Variants in PFN2 observed in about 807,000 individuals in gnomAD.
PFN2 encodes the protein profilin-2.
In PFN2, 8 loss-of-function variants were observed where a neutral mutation model predicts 15.3. The ratio of observed to expected loss-of-function variants is 0.52; its 90% CI spans 0.31 to 0.95. The LOEUF (loss-of-function observed/expected upper bound fraction) is 0.95. Ranked by LOEUF, PFN2 falls within the 40% of genes least tolerant of loss-of-function variation. The probability of loss-of-function intolerance (pLI) is 0.05; values close to 1 mark genes in which losing one functional copy is unlikely to be tolerated. For missense variants in PFN2, 111 were observed against 182.3 expected (o/e 0.61, Z 2.25); for synonymous variants, 79 against 67.9 (o/e 1.16, Z -0.81).
At chr3:149,967,046 T>C (rs1452105967) in intron 2 of PFN2, among the ~76,000 whole-genome samples, 1 of 152,222 alleles carries the variant, frequency 6.6e-6, no homozygotes, top group Non-Finnish European at 1.5e-5. Flanking sequence ...ATGTATCTAT[T>C]ATTTCCAGAG....
chr3:149,968,852 T>C, intron 1 of PFN2: 1 of 303,380 alleles, frequency 3.3e-6, no homozygotes, highest in Non-Finnish European at 6.1e-6. Context: ...AAGTGCAAAC[T>C]TAAAGAGTTA....
At position 149,965,337 on chromosome 3, in the gene PFN2, T is replaced by C; in HGVS notation, c.*1152A>G. The stretch of plus-strand genomic sequence containing the variant: ...AAACTGGACACACTCCAGATGGTTA[T>C]GTTGGGATACCTAATGTCCATAATG... On this transcript the variant is annotated 3_prime_UTR_variant, in exon 3 of 3. Coordinates refer to ENST00000239940, the MANE Select transcript of PFN2 (RefSeq NM_053024.4). The C allele has an allele frequency of 1.3e-6, 2 of 1,523,140 alleles. No individual in the cohort carries two copies. The highest frequency in any genetic ancestry group is 2.4e-5 in the East Asian group (1 of 40,846). 94.4% of individuals were successfully genotyped at this position (1,523,140 alleles called of 1,614,324 possible).
In PFN2 at chr3:149,968,838, G is replaced by A. The variant is rs182223431; in HGVS notation, c.133-288C>T. ...TGTAAAGAGTTGACAGTTGACACTA[G>A]ACAAAGTGCAAACTTAAAGAGTTAT... is the stretch of plus-strand genomic sequence containing the variant. On this transcript the variant is annotated intron_variant, in intron 1 of 2. Coordinates refer to ENST00000239940, the MANE Select transcript of PFN2 (RefSeq NM_053024.4). 9.7e-4 allele frequency: 336 copies of A among 344,622 alleles called. 2 individuals carry two copies. The highest frequency in any genetic ancestry group is 3.0e-4 in the Non-Finnish European group (57 of 189,276). 21.3% of individuals were successfully genotyped at this position (344,622 alleles called of 1,614,324 possible). A position where few individuals can be genotyped will look rare whatever the true frequency, so the allele number is the denominator to read the frequency against.
Position 149,965,572 on chromosome 3 carries a change from A to G in PFN2, c.*917T>C. 8.0e-7 allele frequency: 1 copy of G among 1,243,412 alleles called. No individual in the cohort carries two copies. Among genetic ancestry groups the G allele is most frequent in the South Asian group, 3.3e-5 (1 of 30,584 alleles). 77.0% of individuals were successfully genotyped at this position (1,243,412 alleles called of 1,614,324 possible). ...TATGAATAAAGGTTTGTCTCTGCTC[A>G]AGTGCAACAACAATACTAAAAGCAA... On this transcript the variant is annotated 3_prime_UTR_variant, in exon 3 of 3. Transcript: ENST00000239940.
chr3:149,969,851 G>A (rs963132799), intron 1 of PFN2, among the ~76,000 whole-genome samples: 1 of 152,094 alleles, frequency 6.6e-6, no homozygotes. Flanking sequence ...GCATAAAACT[G>A]CATTAGTTCC....
chr3:149,966,811 A>G (rs1722706360), intron 2 of PFN2, among the ~76,000 whole-genome samples: 1 of 152,190 alleles, frequency 6.6e-6, no homozygotes, highest in African/African-American at 2.4e-5. Flanking sequence ...CAATGCAAGC[A>G]AAAGTTCTAT....
At chr3:149,967,317 G>T (rs1459787953) in intron 2 of PFN2, among the ~76,000 whole-genome samples, 4 of 152,254 alleles carry the variant, frequency 2.6e-5, no homozygotes, top group East Asian at 1.9e-4. Context: ...AAATATTCTG[G>T]TTTTTTGTCT....
chr3:149,966,241 C>A lies in PFN2; in HGVS notation c.*248G>T, dbSNP rs1481997002. The A allele has an allele frequency of 1.8e-5, 29 of 1,613,636 alleles. No homozygotes were observed. In the East Asian group the frequency reaches 6.5e-4, roughly 36 times the overall value. On this transcript the variant is annotated 3_prime_UTR_variant, in exon 3 of 3. Coordinates refer to ENST00000239940, the MANE Select transcript of PFN2 (RefSeq NM_053024.4). Reference sequence around the variant, plus strand: ...TTAAGTGTGCCTCCGTGGACACCTTCCTTTCCCATGACTATAACCAATGCT... The same window carrying A: ...TTAAGTGTGCCTCCGTGGACACCTTACTTTCCCATGACTATAACCAATGCT...
chr3:149,967,479 T>C lies in PFN2; in HGVS notation c.325+879A>G, dbSNP rs185599746. On this transcript the variant is annotated intron_variant, in intron 2 of 2. Transcript: ENST00000239940. ...TTTTAGGATAATCACAGGGAGCTGGTAGAGCCATAGCATTAATTATAACTC... is the reference window on the plus strand; with the variant it reads ...TTTTAGGATAATCACAGGGAGCTGGCAGAGCCATAGCATTAATTATAACTC... Among the ~76,000 whole-genome samples, 6 of 152,334 alleles carry C rather than the reference T, an allele frequency of 3.9e-5. No homozygotes were observed. The East Asian group carries it at 7.7e-4, about 20-fold the overall frequency.
Position 149,970,773 on chromosome 3 carries a change from G to A in PFN2, c.84C>T (p.Ala28=), listed in dbSNP as rs1722843183. 1 of 1,517,904 alleles carries A rather than the reference G, an allele frequency of 6.6e-7. No homozygotes were observed. The highest frequency in any genetic ancestry group is 8.9e-7 in the Non-Finnish European group (1 of 1,129,722). The allele number at this position is 1,517,904 out of a possible 1,614,324, so 94.0% of individuals were successfully genotyped here. Residue 28 remains alanine (A), a synonymous_variant, in exon 1 of 3, where the codon GCC becomes GCT. Transcript: ENST00000239940. ...CGGCCGTGGCTGCCCAGACGTATTT[G>A]GCGTCGCAGTAGCCGACAATGGCGG... ...QEAAIVGYCD[A]KYVWAATAGG...
At position 149,965,882 on chromosome 3, in the gene PFN2, TCAA is replaced by T; in HGVS notation, c.*604_*606del. 8.1e-7 allele frequency: 1 copy of T among 1,236,512 alleles called. No homozygotes were observed. Among genetic ancestry groups the T allele is most frequent in the African/African-American group, 1.5e-5 (1 of 64,876 alleles). The allele number at this position is 1,236,512 out of a possible 1,614,324, so 76.6% of individuals were successfully genotyped here. On this transcript the variant is annotated 3_prime_UTR_variant, in exon 3 of 3. Transcript: ENST00000239940. Reference sequence around the variant, plus strand: ...GCTTAATATTAACTTATTTTAGTAATCAATATCCCATTAATTGCTAAGACAAAG... The same window carrying T: ...GCTTAATATTAACTTATTTTAGTAATTATCCCATTAATTGCTAAGACAAAG...
At chr3:149,968,031 A>C (rs755497378) in intron 2 of PFN2, 12 of 218,680 alleles carry the variant, frequency 5.5e-5, no homozygotes, top group Non-Finnish European at 1.1e-4. Flanking sequence ...AAAATAACCA[A>C]GTGATTCGAA....
In PFN2 at chr3:149,966,523, G is replaced by A. The variant is rs147761948; in HGVS notation, c.389C>T (p.Ser130Leu). 4 of 1,612,870 alleles carry A rather than the reference G, an allele frequency of 2.5e-6. No individual in the cohort carries two copies. Among genetic ancestry groups the A allele is most frequent in the African/African-American group, 2.7e-5 (2 of 74,822 alleles). Reference sequence around the variant, plus strand: ...AGAGTCTCTCAAGTATTTTGCCATTGAGTATGCCTTCTTATTCAATCCGCC... The same window carrying A: ...AGAGTCTCTCAAGTATTTTGCCATTAAGTATGCCTTCTTATTCAATCCGCC... The part of the protein sequence containing the change: ...HGGGLNKKAY[S>L]MAKYLRDSGF The change falls in exon 3 of 3, where the codon TCA becomes TTA. Residue 130 changes from serine to leucine, a missense_variant. Transcript: ENST00000239940.
Position 149,968,775 on chromosome 3 carries a change from TGTC to T in PFN2, c.133-228_133-226del, listed in dbSNP as rs560098163. 100 of 504,046 alleles carry T rather than the reference TGTC, an allele frequency of 2.0e-4. 3 individuals are homozygous for T. In the South Asian group the frequency reaches 2.6e-3, roughly 13 times the overall value. The allele number at this position is 504,046 out of a possible 1,614,324, so 31.2% of individuals were successfully genotyped here. A position where few individuals can be genotyped will look rare whatever the true frequency, so the allele number is the denominator to read the frequency against. ...GAGTTGATTTGACTTCAGTTAATGA[TGTC>T]GTCTCTTAACCAAGACCAGTCTATA... On this transcript the variant is annotated intron_variant, in intron 1 of 2. Coordinates refer to ENST00000239940, the MANE Select transcript of PFN2 (RefSeq NM_053024.4).
Position 149,965,269 on chromosome 3 carries a change from A to G in PFN2, c.*1220T>C. 2 of 1,535,476 alleles carry G rather than the reference A, an allele frequency of 1.3e-6. No individual in the cohort carries two copies. The highest frequency in any genetic ancestry group is 8.7e-7 in the Non-Finnish European group (1 of 1,146,494). On this transcript the variant is annotated 3_prime_UTR_variant, in exon 3 of 3. Coordinates refer to ENST00000239940, the MANE Select transcript of PFN2 (RefSeq NM_053024.4). ...CAAGTCCACAATAATGCAACTTCAT[A>G]TAAAAACTCAAGCTGCAAATAAAAA...
chr3:149,964,959 G>A lies in PFN2; in HGVS notation c.*1530C>T. Reference sequence around the variant, plus strand: ...TGTAAACAAGGTGTTTAATAGTTATGGCATTTTTTTAAATGCATATTAAAT... The same window carrying A: ...TGTAAACAAGGTGTTTAATAGTTATAGCATTTTTTTAAATGCATATTAAAT... On this transcript the variant is annotated 3_prime_UTR_variant, in exon 3 of 3. Coordinates refer to ENST00000239940, the MANE Select transcript of PFN2 (RefSeq NM_053024.4). 2.5e-6 allele frequency: 1 copy of A among 398,950 alleles called. No homozygotes were observed. The highest frequency in any genetic ancestry group is 4.4e-6 in the Non-Finnish European group (1 of 224,850). The allele number at this position is 398,950 out of a possible 1,614,324, so 24.7% of individuals were successfully genotyped here. A position where few individuals can be genotyped will look rare whatever the true frequency, so the allele number is the denominator to read the frequency against.
chr3:149,967,024 C>G (rs1425355375), intron 2 of PFN2, among the ~76,000 whole-genome samples: 1 of 152,058 alleles, frequency 6.6e-6, no homozygotes, highest in Admixed American at 6.6e-5. Flanking sequence ...TAAGTTTTAC[C>G]AGTGAGGCTA....
chr3:149,965,664 G>A lies in PFN2; in HGVS notation c.*825C>T, dbSNP rs777483543. The A allele has an allele frequency of 6.4e-5, 60 of 942,080 alleles. No homozygotes were observed. Among genetic ancestry groups the A allele is most frequent in the Non-Finnish European group, 7.2e-5 (58 of 807,866 alleles). 58.4% of individuals were successfully genotyped at this position (942,080 alleles called of 1,614,324 possible). On this transcript the variant is annotated 3_prime_UTR_variant, in exon 3 of 3. Coordinates refer to ENST00000239940, the MANE Select transcript of PFN2 (RefSeq NM_053024.4). ...AATTGGTTAAAAAAAAACAGGCACTGCATAAAAAAAGATGGAAGCAAACCA... is the reference window on the plus strand; with the variant it reads ...AATTGGTTAAAAAAAAACAGGCACTACATAAAAAAAGATGGAAGCAAACCA...
intron 1 of PFN2, among the ~76,000 whole-genome samples, chr3:149,969,261 CAG>C: frequency 6.6e-6 from 1 of 152,062 alleles, no homozygotes; most frequent in African/African-American, 2.4e-5. Flanking sequence ...AATAGTAAAA[CAG>C]AAAAAATGGA....
Sources: allele counts gnomAD v4.1 joint callset (sites outside exome capture counted in the v4.1 genomes callset), GRCh38; gene constraint gnomAD v4.1.1; transcripts MANE v1.5; gene names NCBI Gene and HGNC (gene_info 2026-07-23, HGNC 2026-07-21).